RABGAP1L: variants seen among roughly 807,000 people sequenced by gnomAD.
RABGAP1L encodes the protein RAB GTPase activating protein 1 like.
RABGAP1L carries 63 observed loss-of-function variants against 137.7 expected under a neutral mutation model. The ratio of observed to expected loss-of-function variants is 0.46; its 90% CI spans 0.37 to 0.56. The LOEUF (loss-of-function observed/expected upper bound fraction) is 0.56. RABGAP1L is among the 20% of genes least tolerant of loss of function. RABGAP1L has a pLI of 0.00. For missense variants in RABGAP1L, 1,095 were observed against 1,244.0 expected (o/e 0.88, Z 1.80); for synonymous variants, 431 against 433.7 (o/e 0.99, Z 0.08).
chr1:174,925,313 A>G (rs1440698693), intron 19 of RABGAP1L, among the ~76,000 whole-genome samples: 1 of 135,770 alleles, frequency 7.4e-6, no homozygotes, highest in East Asian at 2.3e-4. Context: ...ACGCCACTGC[A>G]CTCCAGCCTG....
intron 7 of RABGAP1L, among the ~76,000 whole-genome samples, chr1:174,255,288 G>T (rs566940911): frequency 6.6e-6 from 1 of 152,226 alleles, no homozygotes; most frequent in South Asian, 2.1e-4. Flanking sequence ...AGTTCCAAAA[G>T]AATATGATTA....
chr1:174,978,969 A>G (rs1412783968), intron 23 of RABGAP1L, 79 bp downstream of exon 23: 3 of 1,400,272 alleles, frequency 2.1e-6, no homozygotes, highest in Non-Finnish European at 1.9e-6. Context: ...GCTTGAGGCC[A>G]GGAGTTTGAG....
intron 4 of RABGAP1L, among the ~76,000 whole-genome samples, chr1:174,231,589 GAA>G: frequency 6.6e-6 from 1 of 152,218 alleles, no homozygotes. Flanking sequence ...TTGATAAAGA[GAA>G]GAGGTTTAAC....
chr1:174,409,431 A>C (rs1334651821), intron 13 of RABGAP1L, among the ~76,000 whole-genome samples: 1 of 152,134 alleles, frequency 6.6e-6, no homozygotes, highest in East Asian at 1.9e-4. Context: ...CTATAATTGT[A>C]TGTAACTGTA....
rs549034783 is a variant in RABGAP1L at position 174,182,889 on chromosome 1, A to AT, written c.-34+23239dup. On this transcript the variant is annotated intron_variant, in intron 1 of 25. Transcript: ENST00000681986. ...ATGGCTATTTAAAGTTTCTTAAGACATTTTTTTCCCACTAAGTTATTTATA... is the reference window on the plus strand; with the variant it reads ...ATGGCTATTTAAAGTTTCTTAAGACATTTTTTTTCCCACTAAGTTATTTATA... Among the ~76,000 whole-genome samples the AT allele has an allele frequency of 3.7e-4, 56 of 152,228 alleles. No individual in the cohort carries two copies. In the South Asian group the frequency reaches 0.011, roughly 30 times the overall value.
intron 1 of RABGAP1L, among the ~76,000 whole-genome samples, chr1:174,214,620 A>G (rs56119636): frequency 0.08 from 12,204 of 152,238 alleles, 569 homozygotes; most frequent in Admixed American, 0.11. Context: ...AACAGCAAAA[A>G]CCAGTACTAG....
At chr1:174,773,163 G>GGTGTGTGT (rs9286899) in intron 18 of RABGAP1L, among the ~76,000 whole-genome samples, 194 of 149,650 alleles carry the variant, frequency 1.3e-3, no homozygotes, top group South Asian at 7.9e-3. Context: ...TAAGCTATGG[G>GGTGTGTGT]GTGTGTGTGT....
intron 7 of RABGAP1L, among the ~76,000 whole-genome samples, chr1:174,267,458 C>A (rs1475790461): frequency 6.6e-6 from 1 of 152,094 alleles, no homozygotes; most frequent in Non-Finnish European, 1.5e-5. Context: ...ATGAACTTAT[C>A]AGTGTAAATA....
intron 13 of RABGAP1L, among the ~76,000 whole-genome samples, chr1:174,476,988 G>A (rs1156660572): frequency 1.3e-5 from 2 of 152,152 alleles, no homozygotes; most frequent in Non-Finnish European, 2.9e-5. Flanking sequence ...ATTTGTGACA[G>A]CTGGGGCCCT....
At chr1:174,436,645 A>G (rs1214036753) in intron 13 of RABGAP1L, among the ~76,000 whole-genome samples, 1 of 152,094 alleles carries the variant, frequency 6.6e-6, no homozygotes, top group Non-Finnish European at 1.5e-5. Flanking sequence ...GCTGTGCAGA[A>G]GCTCTTTAGT....
At chr1:174,328,005 A>G (rs924776791) in intron 11 of RABGAP1L, among the ~76,000 whole-genome samples, 12 of 136,650 alleles carry the variant, frequency 8.8e-5, no homozygotes, top group African/African-American at 3.2e-4. Context: ...ATATATATAT[A>G]TATATATATA....
intron 14 of RABGAP1L, among the ~76,000 whole-genome samples, chr1:174,653,151 C>T (rs1257706051): frequency 2.6e-5 from 4 of 152,166 alleles, no homozygotes; most frequent in Non-Finnish European, 4.4e-5. Context: ...CCTCCCCCAA[C>T]CAAGCTGGAG....
At chr1:174,409,559 G>A (rs1044649041) in intron 13 of RABGAP1L, among the ~76,000 whole-genome samples, 4 of 152,146 alleles carry the variant, frequency 2.6e-5, no homozygotes, top group Non-Finnish European at 5.9e-5. Context: ...GACTGCCTGC[G>A]GGGTCGGGCA....
chr1:174,208,713 A>G (rs1668668785), intron 1 of RABGAP1L, among the ~76,000 whole-genome samples: 1 of 152,160 alleles, frequency 6.6e-6, no homozygotes, highest in African/African-American at 2.4e-5. Flanking sequence ...ATGGATGTAT[A>G]GTTTTTCATT....
intron 13 of RABGAP1L, among the ~76,000 whole-genome samples, chr1:174,637,124 C>G (rs1674112107): frequency 6.6e-6 from 1 of 152,116 alleles, no homozygotes; most frequent in Non-Finnish European, 1.5e-5. Context: ...TCCCTCCATC[C>G]CTGCCCCTTC....
chr1:174,262,650 G>A (rs916491962), intron 7 of RABGAP1L, among the ~76,000 whole-genome samples: 1 of 152,166 alleles, frequency 6.6e-6, no homozygotes, highest in African/African-American at 2.4e-5. Context: ...ATAAATCACA[G>A]TATACTTCTA....
At chr1:174,332,241 T>C (rs1681093258) in intron 11 of RABGAP1L, among the ~76,000 whole-genome samples, 2 of 152,186 alleles carry the variant, frequency 1.3e-5, no homozygotes, top group African/African-American at 4.8e-5. Flanking sequence ...AAATGTGTAA[T>C]TCAGGCTGTC....
At chr1:174,781,908 C>T (rs916610361) in intron 18 of RABGAP1L, among the ~76,000 whole-genome samples, 2 of 152,160 alleles carry the variant, frequency 1.3e-5, no homozygotes, top group Non-Finnish European at 2.9e-5. Context: ...GGGCTCTGTT[C>T]TGTTCCATTG....
intron 19 of RABGAP1L, among the ~76,000 whole-genome samples, chr1:174,885,648 A>C (rs974208691): frequency 1.3e-5 from 2 of 150,824 alleles, no homozygotes; most frequent in East Asian, 4.0e-4. Context: ...GAGCTACCAC[A>C]CCTGGCCTGG....
Sources: gnomAD v4.1 joint callset for allele counts (sites outside exome capture counted in the v4.1 genomes callset) on GRCh38, gnomAD v4.1.1 for gene constraint, MANE v1.5 for transcripts, NCBI Gene and HGNC (gene_info 2026-07-23, HGNC 2026-07-21) for gene names.